Variants in GRID1 observed in about 807,000 individuals in gnomAD.
GRID1 encodes glutamate receptor ionotropic, delta-1.
GRID1 carries 28 observed loss-of-function variants against 98.0 expected under a neutral mutation model. That is an observed-to-expected ratio of 0.29 (90% CI 0.21 to 0.39). The LOEUF (loss-of-function observed/expected upper bound fraction) is 0.39, where lower values mean the gene tolerates loss of function less well. Ranked by LOEUF, GRID1 falls within the 10% of genes least tolerant of loss-of-function variation. The pLI is 1.00. For synonymous variants in GRID1, 553 were observed against 538.5 expected (o/e 1.03, Z -0.37); for missense variants, 1,111 against 1,340.5 (o/e 0.83, Z 2.67).
At chr10:85,725,025 T>A (rs1049708099) in intron 10 of GRID1, among the ~76,000 whole-genome samples, 10 of 152,190 alleles carry the variant, frequency 6.6e-5, no homozygotes, top group Non-Finnish European at 1.2e-4. Context: ...TATGTTTCCC[T>A]CTACCCTCCA....
chr10:85,710,910 C>T (rs1841575028), intron 12 of GRID1, among the ~76,000 whole-genome samples: 2 of 152,034 alleles, frequency 1.3e-5, no homozygotes, highest in South Asian at 4.1e-4. Context: ...CAATGAGATG[C>T]TACTTCACAT....
intron 2 of GRID1, among the ~76,000 whole-genome samples, chr10:86,335,699 A>C (rs1385060159): frequency 6.6e-6 from 1 of 152,228 alleles, no homozygotes; most frequent in Non-Finnish European, 1.5e-5. Flanking sequence ...TCCAGCATGG[A>C]GACCTCCACA....
intron 12 of GRID1, among the ~76,000 whole-genome samples, chr10:85,689,214 T>C (rs1841305500): frequency 6.6e-6 from 1 of 152,182 alleles, no homozygotes; most frequent in Non-Finnish European, 1.5e-5. Flanking sequence ...AAATGTGCCA[T>C]TTCTTTATAA....
At chr10:86,277,294 T>C (rs1008195492) in intron 2 of GRID1, among the ~76,000 whole-genome samples, 1 of 152,202 alleles carries the variant, frequency 6.6e-6, no homozygotes, top group Admixed American at 6.5e-5. Context: ...GCTGAGTGCA[T>C]TTCTTACCAC....
chr10:85,863,205 G>T (rs975212993), intron 6 of GRID1, among the ~76,000 whole-genome samples: 3 of 152,206 alleles, frequency 2.0e-5, no homozygotes, highest in African/African-American at 7.2e-5. Flanking sequence ...ACAAGATCAA[G>T]GTGCCTACAG....
chr10:86,071,345 A>G (rs1044832352), intron 4 of GRID1, among the ~76,000 whole-genome samples: 1 of 152,238 alleles, frequency 6.6e-6, no homozygotes, highest in African/African-American at 2.4e-5. Flanking sequence ...ACAGGCTGGT[A>G]GCACAATGAC....
At chr10:85,769,850 G>A (rs2132709074) in intron 8 of GRID1, among the ~76,000 whole-genome samples, 1 of 152,352 alleles carries the variant, frequency 6.6e-6, no homozygotes, top group African/African-American at 2.4e-5. Context: ...GCCCACCACA[G>A]CTCAAGGAGG....
At chr10:85,616,178 T>C (rs1842786429) in intron 14 of GRID1, among the ~76,000 whole-genome samples, 1 of 152,168 alleles carries the variant, frequency 6.6e-6, no homozygotes, top group African/African-American at 2.4e-5. Context: ...TGAGCGACCT[T>C]TTATAGAGAA....
chr10:86,283,505 G>A (rs568259830), intron 2 of GRID1, among the ~76,000 whole-genome samples: 11 of 152,128 alleles, frequency 7.2e-5, no homozygotes, highest in African/African-American at 2.7e-4. Flanking sequence ...GGAAAGAGCT[G>A]TGGCTGGGTA....
intron 4 of GRID1, among the ~76,000 whole-genome samples, chr10:86,047,835 C>G (rs1020162829): frequency 1.3e-5 from 2 of 152,056 alleles, no homozygotes; most frequent in African/African-American, 4.8e-5. Context: ...CTAGGGAGCT[C>G]GCTGTAATAT....
At chr10:86,283,464 A>G (rs1231445974) in intron 2 of GRID1, among the ~76,000 whole-genome samples, 1 of 152,148 alleles carries the variant, frequency 6.6e-6, no homozygotes, top group African/African-American at 2.4e-5. Context: ...GTCCTGCTAG[A>G]GAAGGAGGGC....
At chr10:86,292,145 A>C (rs1248205720) in intron 2 of GRID1, among the ~76,000 whole-genome samples, 1 of 152,184 alleles carries the variant, frequency 6.6e-6, no homozygotes, top group Non-Finnish European at 1.5e-5. Flanking sequence ...CTTGTGCAAG[A>C]AAAAGCACGC....
intron 4 of GRID1, among the ~76,000 whole-genome samples, chr10:86,014,207 T>C (rs909178514): frequency 6.6e-6 from 1 of 152,216 alleles, no homozygotes; most frequent in African/African-American, 2.4e-5. Context: ...TCACACAAGT[T>C]AAACATGCCA....
At chr10:85,777,308 A>C (rs1564587694) in intron 8 of GRID1, among the ~76,000 whole-genome samples, 1 of 152,222 alleles carries the variant, frequency 6.6e-6, no homozygotes, top group Non-Finnish European at 1.5e-5. Context: ...TATTTCCAGA[A>C]GAGCTTTGCC....
intron 3 of GRID1, among the ~76,000 whole-genome samples, chr10:86,172,729 C>T (rs140825708): frequency 5.2e-4 from 79 of 152,164 alleles, no homozygotes; most frequent in African/African-American, 1.6e-3. Context: ...TCTCTCTAGC[C>T]GGCAAGTGAT....
At chr10:85,683,005 T>G (rs1033325421) in intron 12 of GRID1, among the ~76,000 whole-genome samples, 1 of 152,200 alleles carries the variant, frequency 6.6e-6, no homozygotes, top group African/African-American at 2.4e-5. Context: ...TTTGTTGTTG[T>G]TGTTTTTGTT....
chr10:85,943,423 T>C, intron 4 of GRID1, among the ~76,000 whole-genome samples: 1 of 152,096 alleles, frequency 6.6e-6, no homozygotes, highest in Non-Finnish European at 1.5e-5. Context: ...AACATAAGCA[T>C]TACCTCACCA....
chr10:85,607,759 C>T (rs190759736), intron 15 of GRID1, among the ~76,000 whole-genome samples: 9 of 151,360 alleles, frequency 5.9e-5, no homozygotes, highest in Non-Finnish European at 8.8e-5. Context: ...AAGGTCAGGA[C>T]GAGAACTCAC....
At chr10:85,683,312 C>T (rs544828634) in intron 12 of GRID1, among the ~76,000 whole-genome samples, 16 of 152,318 alleles carry the variant, frequency 1.1e-4, no homozygotes, top group Middle Eastern at 3.4e-3. Context: ...ATAGGGAGAA[C>T]TCCATGTCTC....
Sources: gnomAD v4.1 joint callset for allele counts (sites outside exome capture counted in the v4.1 genomes callset) on GRCh38, gnomAD v4.1.1 for gene constraint, MANE v1.5 for transcripts, NCBI Gene and HGNC (gene_info 2026-07-23, HGNC 2026-07-21) for gene names.